The following NOVA1 variants were observed in gnomAD, a reference collection of about 807,000 sequenced individuals.
The protein encoded by NOVA1 is RNA-binding protein Nova-1.
In NOVA1, 7 loss-of-function variants were observed where a neutral mutation model predicts 38.0. The ratio of observed to expected loss-of-function variants is 0.18; its 90% confidence interval spans 0.10 to 0.35. The LOEUF (loss-of-function observed/expected upper bound fraction) is 0.35, where lower values mean the gene tolerates loss of function less well. NOVA1 is among the 10% of genes least tolerant of loss of function. The probability of loss-of-function intolerance (pLI) is 1.00; values close to 1 mark genes in which losing one functional copy is unlikely to be tolerated. For synonymous variants in NOVA1, 270 were observed against 232.5 expected (o/e 1.16, Z -1.47); for missense variants, 460 against 616.0 (o/e 0.75, Z 2.68).
intron 2 of NOVA1, among the ~76,000 whole-genome samples, chr14:26,536,139 T>C (rs1333298446): frequency 1.3e-5 from 2 of 151,924 alleles, no homozygotes; most frequent in Non-Finnish European, 2.9e-5. Flanking sequence ...CTCTCACTTA[T>C]TTGTGGGATC....
chr14:26,498,693 TTGTC>T (rs1371524707), intron 2 of NOVA1, among the ~76,000 whole-genome samples: 3 of 152,166 alleles, frequency 2.0e-5, no homozygotes, highest in Non-Finnish European at 4.4e-5. Flanking sequence ...AAAAGTGAAT[TTGTC>T]TGACTACTTC....
chr14:26,561,162 T>G (rs1891798081), intron 2 of NOVA1, among the ~76,000 whole-genome samples: 1 of 152,142 alleles, frequency 6.6e-6, no homozygotes, highest in Non-Finnish European at 1.5e-5. Context: ...CAGGTGGTAA[T>G]GCTAGCTGGC....
At chr14:26,518,410 C>T (rs1174616206) in intron 2 of NOVA1, among the ~76,000 whole-genome samples, 5 of 151,914 alleles carry the variant, frequency 3.3e-5, no homozygotes, top group East Asian at 1.9e-4. Context: ...GCTTGTTTTA[C>T]GTAGCCCTCT....
chr14:26,583,142 T>C (rs1893319857), intron 2 of NOVA1, among the ~76,000 whole-genome samples: 1 of 151,716 alleles, frequency 6.6e-6, no homozygotes. Context: ...AAATTTTCAG[T>C]TGAGAAGATA....
At chr14:26,481,988 T>TTAAAAAAAAA (rs922159329) in intron 2 of NOVA1, among the ~76,000 whole-genome samples, 6 of 105,986 alleles carry the variant, frequency 5.7e-5, no homozygotes, top group Admixed American at 1.8e-4. Context: ...TAGATAGAGA[T>TTAAAAAAAAA]AAAAAAAAAA....
intron 2 of NOVA1, among the ~76,000 whole-genome samples, chr14:26,576,126 G>A (rs1432374095): frequency 6.6e-6 from 1 of 151,370 alleles, no homozygotes; most frequent in Non-Finnish European, 1.5e-5. Context: ...ATTCTAAATG[G>A]TTCAATATAT....
chr14:26,548,569 C>T (rs1890964472), intron 2 of NOVA1, among the ~76,000 whole-genome samples: 1 of 151,720 alleles, frequency 6.6e-6, no homozygotes, highest in African/African-American at 2.4e-5. Context: ...CCTAAAATAA[C>T]AAAATATAAC....
At chr14:26,504,841 C>A (rs1310072740) in intron 2 of NOVA1, among the ~76,000 whole-genome samples, 1 of 151,564 alleles carries the variant, frequency 6.6e-6, no homozygotes, top group African/African-American at 2.4e-5. Flanking sequence ...CAAAATATAA[C>A]TGAGAGAGGG....
At chr14:26,536,686 T>C (rs1890120809) in intron 2 of NOVA1, among the ~76,000 whole-genome samples, 1 of 152,024 alleles carries the variant, frequency 6.6e-6, no homozygotes, top group Non-Finnish European at 1.5e-5. Context: ...TTCATAACCT[T>C]CAAATAAGAA....
intron 2 of NOVA1, among the ~76,000 whole-genome samples, chr14:26,576,382 G>A (rs534762070): frequency 6.6e-6 from 1 of 150,762 alleles, no homozygotes; most frequent in South Asian, 2.1e-4. Flanking sequence ...CTATCAACCA[G>A]AATAATTTTT....
intron 2 of NOVA1, among the ~76,000 whole-genome samples, chr14:26,481,230 G>T (rs907942635): frequency 2.0e-5 from 3 of 151,944 alleles, no homozygotes; most frequent in Non-Finnish European, 4.4e-5. Context: ...TTATAAAAGA[G>T]TTTTTGAATT....
chr14:26,567,381 G>A (rs1189854088), intron 2 of NOVA1, among the ~76,000 whole-genome samples: 2 of 132,624 alleles, frequency 1.5e-5, no homozygotes, highest in African/African-American at 2.8e-5. Flanking sequence ...CTGCAGCCCC[G>A]ACCTCCTGGG....
At chr14:26,517,753 T>C (rs1456974240) in intron 2 of NOVA1, among the ~76,000 whole-genome samples, 1 of 152,182 alleles carries the variant, frequency 6.6e-6, no homozygotes, top group Admixed American at 6.5e-5. Context: ...AATATATCCA[T>C]AAATGAATTA....
intron 2 of NOVA1, among the ~76,000 whole-genome samples, chr14:26,508,432 GAAT>G (rs1199015971): frequency 6.6e-6 from 1 of 151,882 alleles, no homozygotes; most frequent in African/African-American, 2.4e-5. Flanking sequence ...TCATGATATT[GAAT>G]AATAATGTTT....
intron 2 of NOVA1, among the ~76,000 whole-genome samples, chr14:26,506,600 T>A (rs1472903991): frequency 6.6e-6 from 1 of 152,082 alleles, no homozygotes; most frequent in Non-Finnish European, 1.5e-5. Flanking sequence ...TTTTTTGAGA[T>A]GGAGTTTAAC....
chr14:26,516,576 T>C (rs566417051), intron 2 of NOVA1, among the ~76,000 whole-genome samples: 1 of 152,344 alleles, frequency 6.6e-6, no homozygotes, highest in African/African-American at 2.4e-5. Context: ...CAAATTTGTT[T>C]ACATATTTCC....
At chr14:26,453,955 ATTC>A (rs916024015) in intron 4 of NOVA1, among the ~76,000 whole-genome samples, 1 of 152,130 alleles carries the variant, frequency 6.6e-6, no homozygotes, top group South Asian at 2.1e-4. Flanking sequence ...GTATCCAATC[ATTC>A]TTCTTCTGGC....
intron 2 of NOVA1, among the ~76,000 whole-genome samples, chr14:26,511,110 C>A (rs1468278673): frequency 6.6e-6 from 1 of 152,124 alleles, no homozygotes; most frequent in African/African-American, 2.4e-5. Flanking sequence ...CAGTATCTGG[C>A]ACATTTGAGA....
intron 4 of NOVA1, among the ~76,000 whole-genome samples, chr14:26,460,760 T>A (rs997660112): frequency 5.9e-5 from 9 of 152,096 alleles, no homozygotes; most frequent in Non-Finnish European, 1.3e-4. Context: ...ACTCCCCAGT[T>A]TTGCAAAATT....
Sources: gnomAD v4.1 joint callset for allele counts (sites outside exome capture counted in the v4.1 genomes callset) on GRCh38, gnomAD v4.1.1 for gene constraint, MANE v1.5 for transcripts, NCBI Gene and HGNC (gene_info 2026-07-23, HGNC 2026-07-21) for gene names.